Variants in CLIP2 observed in about 807,000 individuals in gnomAD.
CLIP2 encodes the protein CAP-Gly domain-containing linker protein 2.
CLIP2 carries 41 observed loss-of-function variants against 111.7 expected under a neutral mutation model. The ratio of observed to expected loss-of-function variants is 0.37; its 90% confidence interval spans 0.29 to 0.48. The LOEUF is 0.48. Ranked by LOEUF, CLIP2 falls within the 20% of genes least tolerant of loss-of-function variation. The pLI, the probability that CLIP2 is intolerant of heterozygous loss-of-function variation, is 0.99. For missense variants in CLIP2, 1,160 were observed against 1,422.1 expected (o/e 0.82, Z 2.96); for synonymous variants, 660 against 644.2 (o/e 1.02, Z -0.37).
chr7:74,364,693 G>A, intron 8 of CLIP2: 1 of 355,530 alleles, frequency 2.8e-6, no homozygotes, highest in East Asian at 7.3e-5. Context: ...GTAGCTTGCT[G>A]AGTCACAGAA....
At chr7:74,373,903 G>A (rs1455826863) in intron 9 of CLIP2, among the ~76,000 whole-genome samples, 3 of 152,186 alleles carry the variant, frequency 2.0e-5, no homozygotes, top group East Asian at 1.9e-4. Context: ...GGGAGTGGAG[G>A]TGTCCCCAGG....
chr7:74,350,420 C>T (rs1789949982), intron 3 of CLIP2, among the ~76,000 whole-genome samples: 2 of 152,022 alleles, frequency 1.3e-5, no homozygotes, highest in Non-Finnish European at 2.9e-5. Context: ...ATTGCTCAGG[C>T]TGGTCTCAAA....
At chr7:74,399,468 T>C (rs1244427373) in intron 14 of CLIP2, among the ~76,000 whole-genome samples, 1 of 146,960 alleles carries the variant, frequency 6.8e-6, no homozygotes, top group African/African-American at 2.5e-5. Context: ...AGCCCAGGAA[T>C]TGGAGGCTGT....
chr7:74,354,586 G>T (rs1471929597), intron 4 of CLIP2, among the ~76,000 whole-genome samples: 1 of 152,048 alleles, frequency 6.6e-6, no homozygotes, highest in Non-Finnish European at 1.5e-5. Context: ...CTGCACTCCA[G>T]CCTGGGTGAC....
At chr7:74,298,637 A>G (rs1788240299) in intron 1 of CLIP2, among the ~76,000 whole-genome samples, 1 of 151,746 alleles carries the variant, frequency 6.6e-6, no homozygotes, top group African/African-American at 2.4e-5. Flanking sequence ...GGTTCAGGCG[A>G]TTCTCCTGCC....
intron 2 of CLIP2, among the ~76,000 whole-genome samples, chr7:74,326,111 A>G (rs1789099657): frequency 6.6e-6 from 1 of 152,080 alleles, no homozygotes; most frequent in Non-Finnish European, 1.5e-5. Context: ...GCGACGGCAC[A>G]TGCCTGTAAT....
chr7:74,404,750 A>G lies in CLIP2; in HGVS notation c.*902A>G, dbSNP rs1791722327. The G allele has an allele frequency of 6.6e-6, 1 of 152,184 alleles. No individual in the cohort carries two copies. The highest frequency in any genetic ancestry group is 1.5e-5 in the Non-Finnish European group (1 of 68,036). The allele number at this position is 152,184 out of a possible 1,614,324, so 9.4% of individuals were successfully genotyped here. On this transcript the variant is annotated 3_prime_UTR_variant, in exon 17 of 17. Transcript: ENST00000223398. ...CAGATGTTCCAAAATATCTGCATCC[A>G]CCTGGAGATGCAGCTAAGTGGGTCC...
chr7:74,363,517 C>T (rs1359401210), intron 7 of CLIP2, among the ~76,000 whole-genome samples: 1 of 152,178 alleles, frequency 6.6e-6, no homozygotes, highest in Non-Finnish European at 1.5e-5. Flanking sequence ...AAAGGAAGCC[C>T]ACTTTCCTTC....
In CLIP2 at chr7:74,320,984, C is replaced by T. The variant is rs974071093; in HGVS notation, c.121+3317C>T. Among the ~76,000 whole-genome samples, 4 of 152,084 alleles carry T rather than the reference C, an allele frequency of 2.6e-5. No homozygotes were observed. In the South Asian group the frequency reaches 8.3e-4, roughly 31 times the overall value. On this transcript the variant is annotated intron_variant, in intron 2 of 16. Coordinates refer to ENST00000223398, the MANE Select transcript of CLIP2 (RefSeq NM_003388.5). ...AGAGTCTTATTGAACCTTCTGGGTA[C>T]TTTCCCCTTTGTTCCTCCCCGATCT...
At chr7:74,380,572 C>G (rs2116667463) in intron 10 of CLIP2, 1 of 414,876 alleles carries the variant, frequency 2.4e-6, no homozygotes, top group Admixed American at 3.9e-5. Flanking sequence ...CATGTATAAG[C>G]TGCACAGGCG....
chr7:74,303,437 C>T (rs188758114), intron 1 of CLIP2, among the ~76,000 whole-genome samples: 2 of 152,074 alleles, frequency 1.3e-5, no homozygotes, highest in South Asian at 4.2e-4. Flanking sequence ...CTGGGTAGGG[C>T]TTGGGGAGCC....
chr7:74,375,421 T>C (rs1262035316), intron 9 of CLIP2, among the ~76,000 whole-genome samples: 1 of 151,230 alleles, frequency 6.6e-6, no homozygotes, highest in Non-Finnish European at 1.5e-5. Flanking sequence ...CGCATGGTGG[T>C]GCATGCCTGT....
chr7:74,350,118 A>G (rs1481787642), intron 3 of CLIP2, among the ~76,000 whole-genome samples: 2 of 152,034 alleles, frequency 1.3e-5, no homozygotes, highest in East Asian at 1.9e-4. Flanking sequence ...CAGTGGCGCA[A>G]TCTCAGCTCA....
chr7:74,300,457 C>CTT (rs34522776), intron 1 of CLIP2, among the ~76,000 whole-genome samples: 2 of 130,432 alleles, frequency 1.5e-5, no homozygotes, highest in Middle Eastern at 3.7e-3. Context: ...TGATTTCATT[C>CTT]TTTTTTTTTT....
chr7:74,325,090 G>C (rs1789073374), intron 2 of CLIP2, among the ~76,000 whole-genome samples: 1 of 152,192 alleles, frequency 6.6e-6, no homozygotes, highest in African/African-American at 2.4e-5. Flanking sequence ...CGGGGTTGTG[G>C]CTGCCTCCCA....
intron 2 of CLIP2, among the ~76,000 whole-genome samples, chr7:74,325,957 G>C (rs1053142627): frequency 2.6e-5 from 4 of 151,976 alleles, no homozygotes; most frequent in Admixed American, 6.6e-5. Context: ...TGAGACCATT[G>C]GCTGGGTATG....
intron 1 of CLIP2, among the ~76,000 whole-genome samples, chr7:74,300,723 T>C (rs1262134367): frequency 6.6e-6 from 1 of 152,236 alleles, no homozygotes; most frequent in African/African-American, 2.4e-5. Flanking sequence ...CCCAAAGTGC[T>C]GGGATTACAG....
At chr7:74,372,897 C>A in intron 8 of CLIP2, 35 bp from the exon 9 acceptor site, 2 of 740,186 alleles carry the variant, frequency 2.7e-6, no homozygotes, top group Admixed American at 2.5e-5. Context: ...GTCCCCGCCC[C>A]CACCCCCCCA....
At chr7:74,365,915 A>C (rs1393427985) in intron 8 of CLIP2, among the ~76,000 whole-genome samples, 1 of 151,846 alleles carries the variant, frequency 6.6e-6, no homozygotes, top group Non-Finnish European at 1.5e-5. Flanking sequence ...CACCACACCC[A>C]GCTAATTTTT....
Sources: gnomAD v4.1 joint callset for allele counts (sites outside exome capture counted in the v4.1 genomes callset) on GRCh38, gnomAD v4.1.1 for gene constraint, MANE v1.5 for transcripts, NCBI Gene and HGNC (gene_info 2026-07-23, HGNC 2026-07-21) for gene names.